Variants in SLC4A4 observed in about 807,000 individuals in gnomAD.
The protein encoded by SLC4A4 is solute carrier family 4 member 4.
A neutral mutation model predicts 111.5 loss-of-function variants in SLC4A4; 27 were observed. That is an observed-to-expected ratio of 0.24 (90% CI 0.18 to 0.33). The LOEUF (loss-of-function observed/expected upper bound fraction) is 0.33. SLC4A4 is among the 10% of genes least tolerant of loss of function. The pLI, the probability that SLC4A4 is intolerant of heterozygous loss-of-function variation, is 1.00. For synonymous variants in SLC4A4, 443 were observed against 463.4 expected (o/e 0.96, Z 0.57); for missense variants, 909 against 1,315.5 (o/e 0.69, Z 4.78).
chr4:71,156,588 G>GCGCGCACGCA (rs376043069), intron 2 of SLC4A4, among the ~76,000 whole-genome samples: 132 of 138,570 alleles, frequency 9.5e-4, no homozygotes, highest in African/African-American at 3.3e-3. Context: ...GCGCGCGCGC[G>GCGCGCACGCA]CACACACACA....
At chr4:71,118,506 T>C (rs990562745) in intron 2 of SLC4A4, among the ~76,000 whole-genome samples, 19 of 152,160 alleles carry the variant, frequency 1.2e-4, no homozygotes, top group Non-Finnish European at 2.8e-4. Context: ...TTGCTTTTTA[T>C]TTTTTTCTGT....
chr4:71,437,308 A>G lies in SLC4A4; in HGVS notation c.808-3308A>G, dbSNP rs1271385106. 8 of 365,716 alleles carry G rather than the reference A, an allele frequency of 2.2e-5. No homozygotes were observed. The East Asian group carries it at 3.4e-4, about 15-fold the overall frequency. 22.7% of individuals were successfully genotyped at this position (365,716 alleles called of 1,614,324 possible). ...GTCCAGATTACAGCCACTTCCAATA[A>G]CACGGTTTTGGGGAAATACACTCAA... On this transcript the variant is annotated intron_variant, in intron 7 of 25. Coordinates refer to ENST00000264485, the MANE Select transcript of SLC4A4 (RefSeq NM_001098484.3).
At chr4:71,439,358 G>A (rs1379757175) in intron 7 of SLC4A4, among the ~76,000 whole-genome samples, 2 of 131,674 alleles carry the variant, frequency 1.5e-5, no homozygotes, top group Admixed American at 8.9e-5. Context: ...AACCCGGGAG[G>A]CAAAGGTTGC....
chr4:71,077,994 A>G (rs946030228), intron 1 of SLC4A4, among the ~76,000 whole-genome samples: 1 of 152,200 alleles, frequency 6.6e-6, no homozygotes, highest in Non-Finnish European at 1.5e-5. Context: ...AAATATATGT[A>G]CAGATAGGGT....
chr4:71,563,940 CAGAGA>C (rs1294357510), intron 24 of SLC4A4, 51 bp downstream of exon 24: 2 of 1,190,096 alleles, frequency 1.7e-6, no homozygotes, highest in African/African-American at 3.0e-5. Context: ...TTTGCACTTA[CAGAGA>C]AAACACTTTA....
intron 7 of SLC4A4, among the ~76,000 whole-genome samples, chr4:71,425,732 G>T (rs1477532481): frequency 2.0e-5 from 3 of 152,080 alleles, no homozygotes; most frequent in Non-Finnish European, 2.9e-5. Context: ...GTCATAGATG[G>T]ATTCCAAGAT....
chr4:71,174,339 T>A (rs1375946817), intron 2 of SLC4A4, among the ~76,000 whole-genome samples: 1 of 151,868 alleles, frequency 6.6e-6, no homozygotes, highest in Non-Finnish European at 1.5e-5. Flanking sequence ...AGTCTCTGCT[T>A]CCTGGGTTCA....
chr4:71,193,260 C>T (rs545988561), intron 1 of SLC4A4, among the ~76,000 whole-genome samples: 113 of 152,214 alleles, frequency 7.4e-4, no homozygotes, highest in South Asian at 4.8e-3. Context: ...CCCAGGTTCA[C>T]GCCATTCTCC....
intron 1 of SLC4A4, among the ~76,000 whole-genome samples, chr4:71,215,784 C>T (rs1320032747): frequency 6.6e-6 from 1 of 152,064 alleles, no homozygotes; most frequent in Non-Finnish European, 1.5e-5. Flanking sequence ...ACAGTGGGTG[C>T]TCAACAAACG....
At chr4:71,467,525 A>G (rs1397047369) in intron 13 of SLC4A4, among the ~76,000 whole-genome samples, 1 of 152,148 alleles carries the variant, frequency 6.6e-6, no homozygotes, top group Admixed American at 6.6e-5. Flanking sequence ...AAGCACAGGA[A>G]CAATAAGTAA....
At chr4:71,525,672 C>G (rs182955538) in intron 16 of SLC4A4, among the ~76,000 whole-genome samples, 113 of 152,184 alleles carry the variant, frequency 7.4e-4, no homozygotes, top group Admixed American at 3.3e-3. Flanking sequence ...TCTGAAGCCA[C>G]AGGTTTGGGC....
intron 20 of SLC4A4, among the ~76,000 whole-genome samples, chr4:71,548,608 C>T (rs1735739557): frequency 1.3e-5 from 2 of 151,906 alleles, no homozygotes; most frequent in African/African-American, 4.8e-5. Flanking sequence ...ATGGACCTAA[C>T]AGCTATAAAC....
At chr4:71,422,731 A>C (rs1722674476) in intron 7 of SLC4A4, among the ~76,000 whole-genome samples, 1 of 152,044 alleles carries the variant, frequency 6.6e-6, no homozygotes, top group East Asian at 1.9e-4. Context: ...AGCCAAAGAC[A>C]AAAACCACAT....
At chr4:71,231,036 C>T (rs1021461424) in intron 1 of SLC4A4, among the ~76,000 whole-genome samples, 9 of 152,126 alleles carry the variant, frequency 5.9e-5, no homozygotes, top group Admixed American at 2.0e-4. Flanking sequence ...ACCCTGAAAG[C>T]AGATGCTGTT....
intron 3 of SLC4A4, among the ~76,000 whole-genome samples, chr4:71,279,797 T>A (rs993119245): frequency 6.6e-5 from 10 of 152,110 alleles, no homozygotes; most frequent in African/African-American, 1.4e-4. Flanking sequence ...TATTTTTTTT[T>A]ATTTATTTAT....
intron 7 of SLC4A4, among the ~76,000 whole-genome samples, chr4:71,429,058 T>G (rs1161271517): frequency 6.6e-6 from 1 of 152,028 alleles, no homozygotes; most frequent in Non-Finnish European, 1.5e-5. Flanking sequence ...AAGGAGGTAG[T>G]GTTTAAATAT....
chr4:71,404,361 A>AG (rs1430256179), intron 7 of SLC4A4, among the ~76,000 whole-genome samples: 1 of 152,204 alleles, frequency 6.6e-6, no homozygotes, highest in Non-Finnish European at 1.5e-5. Flanking sequence ...ACAGCCAAAA[A>AG]GGGGCTCTGT....
chr4:71,270,595 C>T (rs1446937916), intron 3 of SLC4A4, among the ~76,000 whole-genome samples: 1 of 152,218 alleles, frequency 6.6e-6, no homozygotes, highest in East Asian at 1.9e-4. Context: ...TGTAGAAACA[C>T]ACTCCTTATT....
chr4:71,088,002 G>T (rs1367260148), intron 1 of SLC4A4, among the ~76,000 whole-genome samples: 1 of 151,802 alleles, frequency 6.6e-6, no homozygotes, highest in Non-Finnish European at 1.5e-5. Context: ...GTTGACAGTG[G>T]GGTGTTAAAA....
Sources: allele counts gnomAD v4.1 joint callset (sites outside exome capture counted in the v4.1 genomes callset), GRCh38; gene constraint gnomAD v4.1.1; transcripts MANE v1.5; gene names NCBI Gene and HGNC (gene_info 2026-07-23, HGNC 2026-07-21).